AP2A2: variants seen among roughly 807,000 people sequenced by gnomAD.
AP2A2 encodes the protein adaptor related protein complex 2 subunit alpha 2, also known as AP-2 complex subunit alpha-2.
A neutral mutation model predicts 104.2 loss-of-function variants in AP2A2; 32 were observed. The ratio of observed to expected loss-of-function variants is 0.31; its 90% CI spans 0.23 to 0.41. AP2A2 has a LOEUF of 0.41. Ranked by LOEUF, AP2A2 falls within the 10% of genes least tolerant of loss-of-function variation. AP2A2 has a pLI of 1.00. For synonymous variants in AP2A2, 539 were observed against 533.3 expected (o/e 1.01, Z -0.15); for missense variants, 912 against 1,261.0 (o/e 0.72, Z 4.19).
chr11:990,046 G>A (rs1855594091), intron 10 of AP2A2, among the ~76,000 whole-genome samples: 1 of 152,220 alleles, frequency 6.6e-6, no homozygotes, highest in South Asian at 2.1e-4. Flanking sequence ...AGAGACTCGG[G>A]TTTTCAGGGG....
At position 1,009,366 on chromosome 11, in the gene AP2A2, A is replaced by T; in HGVS notation, c.2576A>T (p.His859Leu). The T allele has an allele frequency of 6.2e-7, 1 of 1,613,662 alleles. No individual in the cohort carries two copies. Among genetic ancestry groups the T allele is most frequent in the South Asian group, 1.1e-5 (1 of 91,078 alleles). ...GTGCAGAACATCTTCAAAGCAAAGC[A>T]CCCAATGGACACAGAAGTCACCAAA... The part of the protein sequence containing the change: ...QEVQNIFKAK[H>L]PMDTEVTKAK... The change falls in exon 20 of 22, where the codon CAC becomes CTC. Residue 859 changes from histidine (H) to leucine (L), a missense_variant. This residue lies in a region of AP2A2 where 239 missense variants were observed against 329.8 expected (regional missense o/e 0.72). Transcript: ENST00000448903.
At chr11:971,589 GT>G (rs1854830826) in intron 3 of AP2A2, among the ~76,000 whole-genome samples, 1 of 152,132 alleles carries the variant, frequency 6.6e-6, no homozygotes, top group Admixed American at 6.5e-5. Flanking sequence ...GTCAGTGGGG[GT>G]GGAGGGGGGC....
chr11:994,532 C>T (rs1855780283), intron 14 of AP2A2, among the ~76,000 whole-genome samples: 1 of 143,070 alleles, frequency 7.0e-6, no homozygotes. Flanking sequence ...ACTGTCCCTG[C>T]TGGACGCCCC....
intron 1 of AP2A2, among the ~76,000 whole-genome samples, chr11:953,214 G>C (rs1453644711): frequency 1.3e-5 from 2 of 152,166 alleles, no homozygotes; most frequent in African/African-American, 4.8e-5. Flanking sequence ...GCCCAGTCTG[G>C]AGTGCAGTGG....
At chr11:1,002,230 G>A (rs556752799) in intron 15 of AP2A2, among the ~76,000 whole-genome samples, 4 of 152,346 alleles carry the variant, frequency 2.6e-5, no homozygotes, top group African/African-American at 7.2e-5. Context: ...TGTAAACTCC[G>A]TGGCCCCTCG....
Position 999,800 on chromosome 11 carries a change from TTTC to T in AP2A2, c.1957-629_1957-627del, listed in dbSNP as rs1483560617. Among the ~76,000 whole-genome samples the T allele has an allele frequency of 5.3e-5, 7 of 131,998 alleles. No homozygotes were observed. In the Admixed American group the frequency reaches 5.6e-4, roughly 11 times the overall value. 86.6% of individuals were successfully genotyped at this position (131,998 alleles called of 152,430 possible). ...GCAGTAACATGCATGATCTTAGTTC[TTTC>T]TTTTTTTTTTTTTTTTTTGAGATGG... On this transcript the variant is annotated intron_variant, in intron 14 of 21. Coordinates refer to ENST00000448903, the MANE Select transcript of AP2A2 (RefSeq NM_012305.4).
At chr11:944,654 G>T (rs1335254742) in intron 1 of AP2A2, among the ~76,000 whole-genome samples, 2 of 152,162 alleles carry the variant, frequency 1.3e-5, no homozygotes, top group Non-Finnish European at 2.9e-5. Flanking sequence ...TCAATTTTAA[G>T]TAGAATGATC....
intron 10 of AP2A2, among the ~76,000 whole-genome samples, chr11:989,281 C>T (rs7949969): frequency 0.13 from 18,990 of 151,746 alleles, 1,282 homozygotes; most frequent in East Asian, 0.27. Context: ...TGTGGTGAGC[C>T]GAGATTGCGC....
chr11:975,873 G>T (rs1020755483), intron 4 of AP2A2, among the ~76,000 whole-genome samples: 3 of 152,228 alleles, frequency 2.0e-5, no homozygotes, highest in Non-Finnish European at 2.9e-5. Flanking sequence ...GAGTAGTGGT[G>T]GGGCCCCCGT....
At chr11:930,045 C>T (rs745505540) in intron 1 of AP2A2, among the ~76,000 whole-genome samples, 34 of 149,362 alleles carry the variant, frequency 2.3e-4, no homozygotes, top group Non-Finnish European at 4.7e-4. Flanking sequence ...CGCTTGAACC[C>T]AGGAGGCGGA....
At chr11:933,770 A>G (rs1853364129) in intron 1 of AP2A2, among the ~76,000 whole-genome samples, 1 of 152,118 alleles carries the variant, frequency 6.6e-6, no homozygotes, top group Admixed American at 6.6e-5. Context: ...GGAGCTTGGA[A>G]CCATGCTTCT....
Position 972,096 on chromosome 11 carries a change from A to G in AP2A2, c.314A>G (p.Asn105Ser), listed in dbSNP as rs1854849900. The G allele has an allele frequency of 1.2e-5, 19 of 1,613,626 alleles. No individual in the cohort carries two copies. The highest frequency in any genetic ancestry group is 2.7e-5 in the African/African-American group (2 of 74,904). Reference protein sequence around the residue: ...YLFISVLVNSNSELIRLINNA... With the variant: ...YLFISVLVNSSSELIRLINNA... ...TTCATCTCTGTGTTGGTGAACTCAA[A>G]CAGTGAGCTGATCCGCCTGATCAAC... The change falls in exon 4 of 22, where the codon AAC (asparagine) becomes AGC (serine). Residue 105 changes from asparagine to serine, a missense_variant. Coordinates refer to ENST00000448903, the MANE Select transcript of AP2A2 (RefSeq NM_012305.4).
At chr11:974,620 T>G (rs894890186) in intron 4 of AP2A2, among the ~76,000 whole-genome samples, 1 of 144,352 alleles carries the variant, frequency 6.9e-6, no homozygotes, top group African/African-American at 2.6e-5. Flanking sequence ...AGGCGGAGGC[T>G]GCAGTAAGTT....
intron 2 of AP2A2, among the ~76,000 whole-genome samples, chr11:969,122 CT>C (rs1289059030): frequency 3.3e-5 from 5 of 151,714 alleles, no homozygotes; most frequent in Non-Finnish European, 7.4e-5. Flanking sequence ...ACAAGGCCAC[CT>C]TTCTCGCTCG....
chr11:1,009,596 AGCGCC>A, intron 20 of AP2A2, 82 bp from the exon 21 acceptor site: 1 of 1,123,044 alleles, frequency 8.9e-7, no homozygotes, highest in East Asian at 3.3e-5. Context: ...CCCACGACCC[AGCGCC>A]AGGGTCTGGA....
At chr11:980,996 G>T (rs1294441211) in intron 5 of AP2A2, among the ~76,000 whole-genome samples, 1 of 152,244 alleles carries the variant, frequency 6.6e-6, no homozygotes, top group Non-Finnish European at 1.5e-5. Flanking sequence ...GAACTTCCCA[G>T]TTTTTAAGGA....
At position 985,377 on chromosome 11, in the gene AP2A2, G is replaced by A. The variant is rs567389759; in HGVS notation, c.815-58G>A. The A allele has an allele frequency of 4.1e-4, 645 of 1,573,458 alleles. 1 individual carries two copies. Among genetic ancestry groups the A allele is most frequent in the Admixed American group, 6.2e-4 (33 of 52,838 alleles). On this transcript the variant is annotated intron_variant, in intron 7 of 21. Transcript: ENST00000448903. ...TGATGTATGGGTGCAGCCGGGAGGG[G>A]CAGGGTGGGCTGCGGGCCACTGGAG...
Position 959,457 on chromosome 11 carries a change from A to G in AP2A2, c.88A>G (p.Ile30Val), listed in dbSNP as rs200802126. 3.9e-4 allele frequency: 608 copies of G among 1,552,142 alleles called. 1 individual carries two copies. The highest frequency in any genetic ancestry group is 4.9e-4 in the Admixed American group (28 of 57,206). Residue 30 changes from isoleucine (I) to valine (V), a missense_variant, in exon 2 of 22, where the codon ATA (isoleucine) becomes GTA (valine). Physicochemically the swap from Ile to Val is conservative, Grantham distance 29. Around this residue, in one of 7 missense-constraint regions of AP2A2, gnomAD observed 43 missense variants for 47.0 expected, o/e 0.91. Transcript: ENST00000448903. ...IRNCKSKEAE[I>V]KRINKELANI... ...TTTAGGTAAAAGTAAAGAAGCAGAA[A>G]TAAAAAGGATAAACAAGGAACTGGC...
chr11:1,010,801 T>C lies in AP2A2; in HGVS notation c.*176T>C. 1 of 677,080 alleles carries C rather than the reference T, an allele frequency of 1.5e-6. No individual in the cohort carries two copies. Among genetic ancestry groups the C allele is most frequent in the Non-Finnish European group, 2.7e-6 (1 of 372,886 alleles). The allele number at this position is 677,080 out of a possible 1,614,324, so 41.9% of individuals were successfully genotyped here. On this transcript the variant is annotated 3_prime_UTR_variant, in exon 22 of 22. Transcript: ENST00000448903. ...CTGGACGGGAACACACGTGTGTGGC[T>C]CAGGAGGAAAAGCTCAGCCTGGACT...
Sources: allele counts gnomAD v4.1 joint callset (sites outside exome capture counted in the v4.1 genomes callset), GRCh38; gene constraint gnomAD v4.1.1; regional missense constraint gnomAD v4.1.1; transcripts MANE v1.5; gene names NCBI Gene and HGNC (gene_info 2026-07-23, HGNC 2026-07-21).